Variants in HOXA6 observed in about 807,000 individuals in gnomAD.
The protein encoded by HOXA6 is homeobox protein Hox-A6.
HOXA6 carries 19 observed loss-of-function variants against 23.2 expected under a neutral mutation model. The observed-to-expected ratio is 0.82, with a 90% CI of 0.57 to 1.20. The LOEUF is 1.20. HOXA6 is among the 50% of genes most tolerant of loss of function. The pLI is 0.00. For missense variants in HOXA6, 346 were observed against 313.6 expected (o/e 1.10, Z -0.78); for synonymous variants, 140 against 132.6 (o/e 1.06, Z -0.38).
chr7:27,145,738 T>C lies in HOXA6; in HGVS notation c.622A>G (p.Met208Val). The C allele has an allele frequency of 6.2e-7, 1 of 1,614,234 alleles. No individual in the cohort carries two copies. Among genetic ancestry groups the C allele is most frequent in the Non-Finnish European group, 8.5e-7 (1 of 1,180,040 alleles). ...AGCTTGTTTTCCTTTTTCCACTTCA[T>C]GCGGCGGTTCTGGAACCAGATCTTG... ...QIKIWFQNRR[M>V]KWKKENKLIN... Residue 208 changes from methionine to valine, a missense_variant, in exon 2 of 2, where the codon ATG becomes GTG. By Grantham distance (21) the Met-to-Val change is conservative. Transcript: ENST00000222728.
chr7:27,147,162 C>G, intron 1 of HOXA6, 146 bp downstream of exon 1: 2 of 842,764 alleles, frequency 2.4e-6, no homozygotes, highest in Non-Finnish European at 3.6e-6. Context: ...CTGATTTTTT[C>G]TTCTCTTTTA....
At chr7:27,146,775 G>T (rs1197325696) in intron 1 of HOXA6, among the ~76,000 whole-genome samples, 1 of 152,204 alleles carries the variant, frequency 6.6e-6, no homozygotes, top group African/African-American at 2.4e-5. Flanking sequence ...AGAAGCCGGG[G>T]GAGATGAGGG....
chr7:27,146,251 T>TTTGTG (rs1782763449), intron 1 of HOXA6, among the ~76,000 whole-genome samples: 1 of 149,012 alleles, frequency 6.7e-6, no homozygotes, highest in Non-Finnish European at 1.5e-5. Flanking sequence ...GTGTGTGTGT[T>TTTGTG]TGTGTGTGTG....
At chr7:27,147,232 A>T in intron 1 of HOXA6, 76 bp downstream of exon 1, 1 of 1,341,888 alleles carries the variant, frequency 7.5e-7, no homozygotes, top group Non-Finnish European at 1.0e-6. Context: ...TCCTCTTTCT[A>T]CTCTGTTTCC....
In HOXA6 at chr7:27,145,573, C is replaced by T. The variant is rs1018891911; in HGVS notation, c.*85G>A. 2 of 1,524,614 alleles carry T rather than the reference C, an allele frequency of 1.3e-6. No individual in the cohort carries two copies. The highest frequency in any genetic ancestry group is 1.4e-5 in the African/African-American group (1 of 72,824). The allele number at this position is 1,524,614 out of a possible 1,614,324, so 94.4% of individuals were successfully genotyped here. On this transcript the variant is annotated 3_prime_UTR_variant, in exon 2 of 2. Transcript: ENST00000222728. ...GCGGAAGCCCCCAGATGGGAGCAGG[C>T]GGGGAGAAAAGTTGGGGAACAGGCG...
chr7:27,145,952 G>A (rs1782746551), intron 1 of HOXA6, 35 bp from the exon 2 acceptor site: 2 of 1,594,136 alleles, frequency 1.3e-6, no homozygotes, highest in Non-Finnish European at 1.7e-6. Context: ...CGGTAAGCCA[G>A]GGCCTGGAGG....
chr7:27,146,995 G>A (rs1281778350), intron 1 of HOXA6, among the ~76,000 whole-genome samples: 1 of 152,128 alleles, frequency 6.6e-6, no homozygotes, highest in Non-Finnish European at 1.5e-5. Context: ...TGCATGGACA[G>A]GCTGTCCCTC....
rs755134799 is a variant in HOXA6, at chr7:27,147,453, G to A, written c.297C>T (p.Pro99=). The A allele has an allele frequency of 5.6e-6, 9 of 1,614,188 alleles. No individual in the cohort carries two copies. The highest frequency in any genetic ancestry group is 5.0e-5 in the Admixed American group (3 of 60,024). ...CGGGAGAAAAGTGCAGGTAGTCCCC[G>A]GGGCCCCTCTGCTTGCCACTGCCCG... is the stretch of plus-strand genomic sequence containing the variant. The part of the protein sequence containing the change: ...SPSGSGKQRG[P]GDYLHFSPEQ... Residue 99 remains proline, a synonymous_variant, in exon 1 of 2, where the codon CCC becomes CCT. Coordinates refer to ENST00000222728, the MANE Select transcript of HOXA6 (RefSeq NM_024014.4).
At position 27,145,473 on chromosome 7, in the gene HOXA6, T is replaced by G; in HGVS notation, c.*185A>C. On this transcript the variant is annotated 3_prime_UTR_variant, in exon 2 of 2. Transcript: ENST00000222728. ...TTTTGTTTTGTTTTGTTTTGTTTTG[T>G]TTTGTTTTGTTTTGTTTTGTTTTGT... 1 of 746,530 alleles carries G rather than the reference T, an allele frequency of 1.3e-6. No homozygotes were observed. The allele number at this position is 746,530 out of a possible 1,614,324, so 46.2% of individuals were successfully genotyped here.
intron 1 of HOXA6, among the ~76,000 whole-genome samples, chr7:27,146,229 G>A (rs1026058889): frequency 3.4e-5 from 5 of 145,426 alleles, no homozygotes; most frequent in Non-Finnish European, 6.0e-5. Context: ...TTTTTGTGGG[G>A]ATGCAGGGTG....
rs776564519 is a variant in HOXA6, at chr7:27,147,684, CAAG to C, written c.63_65del (p.Phe21del). On this transcript the variant is annotated inframe_deletion, in exon 1 of 2. Coordinates refer to ENST00000222728, the MANE Select transcript of HOXA6 (RefSeq NM_024014.4). ...CAGCCTGGTAGAGGGGCAGCTGGCC[CAAG>C]AAGGAGTCCTGGCCGCTGGGAAGGC... 5.6e-6 allele frequency: 9 copies of C among 1,613,874 alleles called. No individual in the cohort carries two copies. Among genetic ancestry groups the C allele is most frequent in the Non-Finnish European group, 7.6e-6 (9 of 1,180,024 alleles).
chr7:27,145,986 TC>T, intron 1 of HOXA6, 69 bp from the exon 2 acceptor site: 1 of 1,538,990 alleles, frequency 6.5e-7, no homozygotes. Flanking sequence ...GCCCAGTGCC[TC>T]CCACAAGAGG....
Position 27,145,931 on chromosome 7 carries a change from C to A in HOXA6, c.443-14G>T, listed in dbSNP as rs1782744971. ...CATACACAGCACCTACGAGCAGAAACGGCCGGGCGCCGGTAAGCCAGGGCC... is the reference window on the plus strand; with the variant it reads ...CATACACAGCACCTACGAGCAGAAAAGGCCGGGCGCCGGTAAGCCAGGGCC... On this transcript the variant is annotated splice_polypyrimidine_tract_variant and intron_variant, in intron 1 of 1. Transcript: ENST00000222728. 8.1e-6 allele frequency: 13 copies of A among 1,607,832 alleles called. No individual in the cohort carries two copies. The highest frequency in any genetic ancestry group is 1.1e-5 in the Non-Finnish European group (13 of 1,177,374).
chr7:27,147,409 T>A lies in HOXA6; in HGVS notation c.341A>T (p.Asp114Val). Residue 114 changes from aspartate to valine, a missense_variant, in exon 1 of 2, where the codon GAC (aspartate) becomes GTC (valine). Asp to Val is a radical substitution (Grantham distance 152, BLOSUM62 -3). Transcript: ENST00000222728. ...HFSPEQQYKP[D>V]SSSGQGKALH... Reference sequence around the variant, plus strand: ...TGCTTTGCCCTGCCCGCTGCTGCTGTCGGGTTTGTACTGCTGCTCGGGAGA... The same window carrying A: ...TGCTTTGCCCTGCCCGCTGCTGCTGACGGGTTTGTACTGCTGCTCGGGAGA... 1 of 1,614,214 alleles carries A rather than the reference T, an allele frequency of 6.2e-7. No individual in the cohort carries two copies. Among genetic ancestry groups the A allele is most frequent in the Non-Finnish European group, 8.5e-7 (1 of 1,180,040 alleles).
chr7:27,147,315 G>A lies in HOXA6; in HGVS notation c.435C>T (p.Ser145=). ...PVYPWMQRMN[S]CAGAVYGSHG... ...TCTTGGGATATGTCTTACCCGCGCA[G>A]GAGTTCATCCGCTGCATCCAAGGGT... Residue 145 remains serine, a synonymous_variant, in exon 1 of 2, where the codon TCC becomes TCT. Coordinates refer to ENST00000222728, the MANE Select transcript of HOXA6 (RefSeq NM_024014.4). The A allele has an allele frequency of 6.2e-7, 1 of 1,613,596 alleles. No individual in the cohort carries two copies. The highest frequency in any genetic ancestry group is 1.1e-5 in the South Asian group (1 of 91,076).
rs1782749985 is a variant in HOXA6 at position 27,146,034 on chromosome 7, C to T, written c.443-117G>A. 2.5e-6 allele frequency: 3 copies of T among 1,198,612 alleles called. No individual in the cohort carries two copies. In the East Asian group the frequency reaches 7.3e-5, roughly 29 times the overall value. The allele number at this position is 1,198,612 out of a possible 1,614,324, so 74.2% of individuals were successfully genotyped here. On this transcript the variant is annotated intron_variant, in intron 1 of 1. Coordinates refer to ENST00000222728, the MANE Select transcript of HOXA6 (RefSeq NM_024014.4). ...GAAACCACCCCGCCTCCACTCCAGC[C>T]TCTCCCACTATGTCTGGGGCCCAAA...
At position 27,145,571 on chromosome 7, in the gene HOXA6, G is replaced by A; in HGVS notation, c.*87C>T. ...CTGCGGAAGCCCCCAGATGGGAGCA[G>A]GCGGGGAGAAAAGTTGGGGAACAGG... On this transcript the variant is annotated 3_prime_UTR_variant, in exon 2 of 2. Coordinates refer to ENST00000222728, the MANE Select transcript of HOXA6 (RefSeq NM_024014.4). 6.6e-7 allele frequency: 1 copy of A among 1,522,410 alleles called. No homozygotes were observed. The highest frequency in any genetic ancestry group is 1.3e-5 in the South Asian group (1 of 79,432). 94.3% of individuals were successfully genotyped at this position (1,522,410 alleles called of 1,614,324 possible). A position where few individuals can be genotyped will look rare whatever the true frequency, so the allele number is the denominator to read the frequency against.
In HOXA6 at chr7:27,145,574, G is replaced by A. The variant is rs1782728353; in HGVS notation, c.*84C>T. On this transcript the variant is annotated 3_prime_UTR_variant, in exon 2 of 2. Coordinates refer to ENST00000222728, the MANE Select transcript of HOXA6 (RefSeq NM_024014.4). ...CGGAAGCCCCCAGATGGGAGCAGGC[G>A]GGGAGAAAAGTTGGGGAACAGGCGA... 6.5e-7 allele frequency: 1 copy of A among 1,527,666 alleles called. No homozygotes were observed. Among genetic ancestry groups the A allele is most frequent in the East Asian group, 2.3e-5 (1 of 44,306 alleles). 94.6% of individuals were successfully genotyped at this position (1,527,666 alleles called of 1,614,324 possible).
At chr7:27,146,253 G>T (rs1408250526) in intron 1 of HOXA6, among the ~76,000 whole-genome samples, 1 of 83,490 alleles carries the variant, frequency 1.2e-5, no homozygotes, top group Non-Finnish European at 2.6e-5. Context: ...GTGTGTGTTT[G>T]TGTGTGTGTG....
Sources: gnomAD v4.1 joint callset for allele counts (sites outside exome capture counted in the v4.1 genomes callset) on GRCh38, gnomAD v4.1.1 for gene constraint, MANE v1.5 for transcripts, NCBI Gene and HGNC (gene_info 2026-07-23, HGNC 2026-07-21) for gene names.